Variants in SH3D21 observed in about 807,000 individuals in gnomAD.
SH3D21 encodes the protein manchette microtubule inner protein 1, also known as SH3 domain-containing protein 21.
In SH3D21, 83 loss-of-function variants were observed where a neutral mutation model predicts 82.1. The ratio of observed to expected loss-of-function variants is 1.01; its 90% CI spans 0.85 to 1.21. The LOEUF (loss-of-function observed/expected upper bound fraction) is 1.21, where lower values mean the gene tolerates loss of function less well. Among genes scored for constraint, SH3D21 ranks in the 50% most tolerant of loss-of-function variants. SH3D21 has a pLI of 0.00. For missense variants in SH3D21, 980 were observed against 962.1 expected (o/e 1.02, Z -0.25); for synonymous variants, 383 against 387.8 (o/e 0.99, Z 0.15).
chr1:36,306,431 G>T lies in SH3D21; in HGVS notation c.4+7G>T, dbSNP rs1409704978. ...GGCGCCCCGGAAACCATGGGTAAGT[G>T]CGGAGGCTTTGAGGTGGCCTCTCTC... On this transcript the variant is annotated splice_region_variant and intron_variant, in intron 1 of 15. Coordinates refer to ENST00000453908, the MANE Select transcript of SH3D21 (RefSeq NM_001162530.2). This position sits in a 1 kb window ranked among gnomAD's most constrained non-coding sequence, Gnocchi z 4.5. 2.3e-6 allele frequency: 3 copies of T among 1,305,298 alleles called. No individual in the cohort carries two copies. The East Asian group carries it at 1.7e-4, about 72-fold the overall frequency. 80.9% of individuals were successfully genotyped at this position (1,305,298 alleles called of 1,614,324 possible).
chr1:36,329,667 A>G (rs558897414), downstream of SH3D21, among the ~76,000 whole-genome samples: 1 of 152,262 alleles, frequency 6.6e-6, no homozygotes, highest in Non-Finnish European at 1.5e-5. Flanking sequence ...GGGCATGATC[A>G]ATAATTGGAT....
At position 36,319,493 on chromosome 1, in the gene SH3D21, G is replaced by A. The variant is rs1446361124; in HGVS notation, c.968G>A (p.Arg323Gln). Residue 323 changes from arginine (R) to glutamine (Q), a missense_variant, in exon 13 of 16, where the codon CGA (arginine) becomes CAA (glutamine). Transcript: ENST00000453908. ...GGTTCGTATCACCCTGGCCGAAAGC[G>A]ATCCAAAACCCAGACTCCCCAGCAA... ...SGGSYHPGRK[R>Q]SKTQTPQQRS... 2.1e-5 allele frequency: 32 copies of A among 1,551,534 alleles called. No homozygotes were observed. Among genetic ancestry groups the A allele is most frequent in the Non-Finnish European group, 2.8e-5 (32 of 1,146,986 alleles).
downstream of SH3D21, among the ~76,000 whole-genome samples, chr1:36,326,248 TG>T (rs1646543996): frequency 6.6e-6 from 1 of 150,878 alleles, no homozygotes; most frequent in African/African-American, 2.4e-5. Context: ...TTTTTTTTTT[TG>T]AGACGGAGTT....
At chr1:36,308,539 A>G (rs1646176895) in intron 9 of SH3D21, 64 bp downstream of exon 9, 6 of 1,384,926 alleles carry the variant, frequency 4.3e-6, no homozygotes, top group East Asian at 5.0e-5. Flanking sequence ...GGTGGGGATC[A>G]TGGGCACTCT....
intron 9 of SH3D21, 85 bp from the exon 10 acceptor site, chr1:36,309,463 G>A (rs987081069): frequency 1.3e-5 from 19 of 1,476,954 alleles, no homozygotes; most frequent in Non-Finnish European, 1.8e-5. Context: ...TGGGATTATA[G>A]GTGTGAGCCA....
chr1:36,313,995 G>T (rs1321158322), intron 10 of SH3D21, among the ~76,000 whole-genome samples: 3 of 2,136 alleles, frequency 1.4e-3, no homozygotes, highest in South Asian at 0.056. Context: ...TTTTTTTTGA[G>T]ACGGAGTCTC....
downstream of SH3D21, chr1:36,322,531 G>C (rs1646483564): frequency 1.2e-6 from 2 of 1,600,264 alleles, no homozygotes; most frequent in African/African-American, 2.7e-5. Flanking sequence ...GGGCCCAGCC[G>C]AGTCACCGTG....
chr1:36,306,432 C>T lies in SH3D21; in HGVS notation c.4+8C>T, dbSNP rs1000004463. ...GCGCCCCGGAAACCATGGGTAAGTG[C>T]GGAGGCTTTGAGGTGGCCTCTCTCT... On this transcript the variant is annotated splice_region_variant and intron_variant, in intron 1 of 15. Transcript: ENST00000453908. This position sits in a 1 kb window ranked among gnomAD's most constrained non-coding sequence, Gnocchi z 4.5. 2 of 1,305,294 alleles carry T rather than the reference C, an allele frequency of 1.5e-6. No homozygotes were observed. Among genetic ancestry groups the T allele is most frequent in the Admixed American group, 2.3e-5 (1 of 43,548 alleles). 80.9% of individuals were successfully genotyped at this position (1,305,294 alleles called of 1,614,324 possible).
chr1:36,320,690 TCCCGCAAAACTA>T lies in SH3D21; in HGVS notation c.2029_2040del (p.Pro677_Tyr680del). ...GAGACGCTCGCGCTCCCCTCGCTGG[TCCCGCAAAACTA>T]CACGGAAAACAAGAATGAAGGAGTT... On this transcript the variant is annotated inframe_deletion, in exon 14 of 16. Coordinates refer to ENST00000453908, the MANE Select transcript of SH3D21 (RefSeq NM_001162530.2). 1 of 1,614,180 alleles carries T rather than the reference TCCCGCAAAACTA, an allele frequency of 6.2e-7. No individual in the cohort carries two copies. The highest frequency in any genetic ancestry group is 8.5e-7 in the Non-Finnish European group (1 of 1,180,022).
Position 36,319,635 on chromosome 1 carries a change from G to C in SH3D21, c.1012-40G>C, listed in dbSNP as rs535862834. 8 of 1,552,596 alleles carry C rather than the reference G, an allele frequency of 5.2e-6. No individual in the cohort carries two copies. The Admixed American group carries it at 7.8e-5, about 15-fold the overall frequency. On this transcript the variant is annotated intron_variant, in intron 13 of 15. Coordinates refer to ENST00000453908, the MANE Select transcript of SH3D21 (RefSeq NM_001162530.2). ...AAGTCTCCCAGGCCAAGGGGAACCA[G>C]ACTCAACCTCAGCTGAGACTTCACC...
At chr1:36,316,700 G>A (rs1646349826) in intron 10 of SH3D21, among the ~76,000 whole-genome samples, 1 of 152,154 alleles carries the variant, frequency 6.6e-6, no homozygotes, top group South Asian at 2.1e-4. Context: ...CAGGGCCCAG[G>A]CTCAGTAGCC....
At position 36,320,103 on chromosome 1, in the gene SH3D21, C is replaced by A; in HGVS notation, c.1440C>A (p.Pro480=). 4 of 1,614,046 alleles carry A rather than the reference C, an allele frequency of 2.5e-6. No homozygotes were observed. The highest frequency in any genetic ancestry group is 1.7e-6 in the Non-Finnish European group (2 of 1,180,020). ...TGGCCCCTCTGGGGGATGAGGCCCC[C>A]ACTCTAGAAAAGGTCTTGACCCCAG... ...PKMAPLGDEA[P]TLEKVLTPEL... is the part of the protein sequence containing the mutation. The change falls in exon 14 of 16, where the codon CCC becomes CCA. Residue 480 remains proline, a synonymous_variant. Transcript: ENST00000453908.
At position 36,308,180 on chromosome 1, in the gene SH3D21, A is replaced by AG; in HGVS notation, c.616dup (p.Asp206GlyfsTer13). 1 of 1,544,632 alleles carries AG rather than the reference A, an allele frequency of 6.5e-7. No individual in the cohort carries two copies. The highest frequency in any genetic ancestry group is 8.7e-7 in the Non-Finnish European group (1 of 1,143,508). ...GGCCCCAGACGAGTTGGCGCTGCGGAGGGGGGACGTGGTAAAAGTACTCAG... is the reference window on the plus strand; with the variant it reads ...GGCCCCAGACGAGTTGGCGCTGCGGAGGGGGGGACGTGGTAAAAGTACTCAG... On this transcript the variant is annotated frameshift_variant, in exon 8 of 16. Transcript: ENST00000453908. LOFTEE classifies it high-confidence loss of function.
intron 10 of SH3D21, among the ~76,000 whole-genome samples, chr1:36,317,451 A>G (rs191605198): frequency 6.6e-6 from 1 of 152,174 alleles, no homozygotes; most frequent in South Asian, 2.1e-4. Context: ...CTGTTTTTCT[A>G]TGGATCTGAA....
intron 10 of SH3D21, among the ~76,000 whole-genome samples, chr1:36,311,398 G>A (rs1181805046): frequency 2.0e-5 from 3 of 151,894 alleles, no homozygotes; most frequent in Admixed American, 6.6e-5. Context: ...CTGCCATCAC[G>A]CCCAGCTAAT....
chr1:36,322,847 G>T, downstream of SH3D21: 1 of 1,508,054 alleles, frequency 6.6e-7, no homozygotes, highest in East Asian at 2.3e-5. Flanking sequence ...AAGGGCATTA[G>T]GGAACCGCCA....
rs1557487262 is a variant in SH3D21, at chr1:36,320,752, G to GTGGA, written c.2090_2093dup (p.Glu698AspfsTer90). 2 of 1,601,192 alleles carry GTGGA rather than the reference G, an allele frequency of 1.2e-6. No homozygotes were observed. The highest frequency in any genetic ancestry group is 1.7e-6 in the Non-Finnish European group (2 of 1,173,632). Reference sequence around the variant, plus strand: ...TGATGTAACGTCGCTGAGGGGCGAGGTGGAGTCTCTAAGGAGGGCGCTGGA... The same window carrying GTGGA: ...TGATGTAACGTCGCTGAGGGGCGAGGTGGATGGAGTCTCTAAGGAGGGCGCTGGA... On this transcript the variant is annotated frameshift_variant, in exon 14 of 16. Coordinates refer to ENST00000453908, the MANE Select transcript of SH3D21 (RefSeq NM_001162530.2). LOFTEE classifies it high-confidence loss of function.
At position 36,320,650 on chromosome 1, in the gene SH3D21, C is replaced by G. The variant is rs777379666; in HGVS notation, c.1987C>G (p.Pro663Ala). The change falls in exon 14 of 16, where the codon CCT becomes GCT. Residue 663 changes from proline to alanine, a missense_variant. Physicochemically the swap from Pro to Ala is conservative, Grantham distance 27. Coordinates refer to ENST00000453908, the MANE Select transcript of SH3D21 (RefSeq NM_001162530.2). The stretch of plus-strand genomic sequence containing the variant: ...CCAAAAAACACGTCCTATCAAGCCG[C>G]CTCCAGACTCCCAAGAGACGCTCGC... ...FAQKTRPIKP[P>A]PDSQETLALP... 6.2e-7 allele frequency: 1 copy of G among 1,614,280 alleles called. No individual in the cohort carries two copies. Among genetic ancestry groups the G allele is most frequent in the Non-Finnish European group, 8.5e-7 (1 of 1,180,050 alleles).
intron 9 of SH3D21, 42 bp downstream of exon 9, chr1:36,308,517 A>C (rs890320252): frequency 3.3e-6 from 5 of 1,525,132 alleles, no homozygotes; most frequent in African/African-American, 2.8e-5. Context: ...GGGGCAGGCT[A>C]TTTTGGACAA....
Sources: gnomAD v4.1 joint callset for allele counts (sites outside exome capture counted in the v4.1 genomes callset) on GRCh38, gnomAD v4.1.1 for gene constraint, Gnocchi (gnomAD v3.1) non-coding constraint, MANE v1.5 for transcripts, NCBI Gene and HGNC (gene_info 2026-07-23, HGNC 2026-07-21) for gene names.